HNF4G: variants seen among roughly 807,000 people sequenced by gnomAD.
HNF4G encodes hepatocyte nuclear factor 4-gamma.
In HNF4G, 21 loss-of-function variants were observed where a neutral mutation model predicts 50.9. That is an observed-to-expected ratio of 0.41 (90% CI 0.29 to 0.59). HNF4G has a LOEUF of 0.59. Among genes scored for constraint, HNF4G ranks in the 20% least tolerant of loss-of-function variants. HNF4G has a pLI of 0.26. For synonymous variants in HNF4G, 198 were observed against 185.6 expected (o/e 1.07, Z -0.54); for missense variants, 527 against 559.4 (o/e 0.94, Z 0.58).
chr8:75,449,306 A>G (rs923962486), intron 1 of HNF4G, among the ~76,000 whole-genome samples: 1 of 152,122 alleles, frequency 6.6e-6, no homozygotes, highest in African/African-American at 2.4e-5. Flanking sequence ...TTCTGCAATT[A>G]TAGAATTAAA....
At chr8:75,425,342 C>T (rs891420744) in intron 1 of HNF4G, among the ~76,000 whole-genome samples, 25 of 151,552 alleles carry the variant, frequency 1.6e-4, no homozygotes, top group African/African-American at 5.8e-4. Flanking sequence ...CCTTGGCTTC[C>T]CTAAGTGCTA....
intron 1 of HNF4G, among the ~76,000 whole-genome samples, chr8:75,420,418 C>T (rs899578777): frequency 6.6e-5 from 10 of 152,210 alleles, no homozygotes; most frequent in African/African-American, 1.4e-4. Flanking sequence ...CTCTTTCTTG[C>T]GGCCTATGAG....
At chr8:75,501,723 A>G (rs1414718637) in intron 2 of HNF4G, among the ~76,000 whole-genome samples, 3 of 152,216 alleles carry the variant, frequency 2.0e-5, no homozygotes. Context: ...ACAAATTAAA[A>G]TGGTATATAT....
chr8:75,504,081 G>A (rs1005617658), intron 2 of HNF4G, among the ~76,000 whole-genome samples: 6 of 151,972 alleles, frequency 3.9e-5, no homozygotes, highest in Admixed American at 2.0e-4. Context: ...AATTAGCCAG[G>A]TGTGGTGGCA....
chr8:75,494,408 A>C (rs1812713753), intron 2 of HNF4G, among the ~76,000 whole-genome samples: 1 of 151,880 alleles, frequency 6.6e-6, no homozygotes, highest in Non-Finnish European at 1.5e-5. Flanking sequence ...GTGAAAATTT[A>C]AGTCATTTTT....
In HNF4G at chr8:75,442,094, T is replaced by G. The variant is rs572059919; in HGVS notation, c.-144+33932T>G. On this transcript the variant is annotated intron_variant, in intron 1 of 10. Transcript: ENST00000354370. ...AGTAATATTTTATTTATATAAAGAT[T>G]CAAAAGAGAAACAACTAAATAGTTA... Among the ~76,000 whole-genome samples the G allele has an allele frequency of 9.9e-5, 15 of 152,256 alleles. No homozygotes were observed. In the South Asian group the frequency reaches 3.1e-3, roughly 32 times the overall value.
At chr8:75,508,655 T>C (rs564063790) in intron 2 of HNF4G, among the ~76,000 whole-genome samples, 1 of 152,242 alleles carries the variant, frequency 6.6e-6, no homozygotes, top group South Asian at 2.1e-4. Context: ...ACAATAACAA[T>C]TGATCTTTAC....
chr8:75,465,523 A>T (rs1811948849), intron 1 of HNF4G, among the ~76,000 whole-genome samples: 1 of 152,190 alleles, frequency 6.6e-6, no homozygotes, highest in African/African-American at 2.4e-5. Context: ...CCAATTATAT[A>T]ACCAGAAAGA....
chr8:75,524,649 G>A (rs1329331826), intron 2 of HNF4G, among the ~76,000 whole-genome samples: 1 of 152,054 alleles, frequency 6.6e-6, no homozygotes, highest in Non-Finnish European at 1.5e-5. Context: ...GTAAGTAAAC[G>A]TACTGAAAGG....
At chr8:75,505,711 G>T (rs1332456364) in intron 2 of HNF4G, among the ~76,000 whole-genome samples, 1 of 150,824 alleles carries the variant, frequency 6.6e-6, no homozygotes, top group Non-Finnish European at 1.5e-5. Flanking sequence ...TAATACAAGA[G>T]TTGCAAATAT....
At chr8:75,539,757 C>T, upstream of HNF4G, 1 of 443,058 alleles carries the variant, frequency 2.3e-6, no homozygotes, top group Non-Finnish European at 4.0e-6. Flanking sequence ...CAAGGAATTG[C>T]TTTCATATGC....
At position 75,497,674 on chromosome 8, in the gene HNF4G, A is replaced by G. The variant is rs1459672941; in HGVS notation, c.-24+7466A>G. 2.7e-5 allele frequency among the ~76,000 whole-genome samples: 4 copies of G among 146,012 alleles called. 1 individual carries two copies. The highest frequency in any genetic ancestry group is 8.0e-5 in the African/African-American group (3 of 37,636). ...ACTCCAGCCTGGGTGACAAAGCAAG[A>G]CTCCATTTCCACCCCCTCAAAAAAA... On this transcript the variant is annotated intron_variant, in intron 2 of 10. Coordinates refer to the HNF4G transcript ENST00000354370.
At chr8:75,540,654 T>G (rs962313161) in intron 1 of HNF4G, among the ~76,000 whole-genome samples, 2 of 152,114 alleles carry the variant, frequency 1.3e-5, no homozygotes, top group African/African-American at 4.8e-5. Flanking sequence ...CGCACAAAGC[T>G]GTTGGTATTT....
At chr8:75,552,291 A>G (rs1806982665) in intron 4 of HNF4G, among the ~76,000 whole-genome samples, 1 of 152,170 alleles carries the variant, frequency 6.6e-6, no homozygotes, top group South Asian at 2.1e-4. Context: ...TAAAGCTTTT[A>G]GAGAATGACC....
Position 75,560,340 on chromosome 8 carries a change from G to T in HNF4G, c.1124-4G>T, listed in dbSNP as rs199788981. ...CTAACACAGCATCTTTTTATCTTTT[G>T]TAGGGGCTTCCAATGATGGCAGTCA... On this transcript the variant is annotated splice_region_variant and splice_polypyrimidine_tract_variant and intron_variant, in intron 8 of 9. Coordinates refer to ENST00000396423, the MANE Select transcript of HNF4G (RefSeq NM_004133.5). 9 of 1,612,592 alleles carry T rather than the reference G, an allele frequency of 5.6e-6. No individual in the cohort carries two copies. Among genetic ancestry groups the T allele is most frequent in the Middle Eastern group, 1.7e-4 (1 of 6,042 alleles).
intron 2 of HNF4G, among the ~76,000 whole-genome samples, chr8:75,532,494 T>C (rs1806356071): frequency 6.6e-6 from 1 of 152,116 alleles, no homozygotes; most frequent in Non-Finnish European, 1.5e-5. Flanking sequence ...GGGCACCTTC[T>C]ATTCCAGTGC....
At position 75,498,015 on chromosome 8, in the gene HNF4G, CTT is replaced by C. The variant is rs915347191; in HGVS notation, c.-24+7808_-24+7809del. On this transcript the variant is annotated intron_variant, in intron 2 of 10. Transcript: ENST00000354370. ...GGCAAATGCTAGGACATTTGGGACACTTAGAATTTTTAAGTTCCACCATAGAA... is the reference window on the plus strand; with the variant it reads ...GGCAAATGCTAGGACATTTGGGACACAGAATTTTTAAGTTCCACCATAGAA... Among the ~76,000 whole-genome samples, 14 of 151,994 alleles carry C rather than the reference CTT, an allele frequency of 9.2e-5. 1 individual carries two copies. The highest frequency in any genetic ancestry group is 3.4e-4 in the African/African-American group (14 of 41,470).
chr8:75,419,169 G>GT (rs564268405), intron 1 of HNF4G, among the ~76,000 whole-genome samples: 53 of 152,300 alleles, frequency 3.5e-4, no homozygotes, highest in African/African-American at 1.2e-3. Context: ...ATGCATGTTT[G>GT]TGTCCCTGAG....
intron 1 of HNF4G, among the ~76,000 whole-genome samples, chr8:75,412,900 T>C (rs979800670): frequency 6.6e-6 from 1 of 152,116 alleles, no homozygotes; most frequent in Non-Finnish European, 1.5e-5. Context: ...GTGACACTAT[T>C]ATATTAGGAT....
Sources: gnomAD v4.1 joint callset for allele counts (sites outside exome capture counted in the v4.1 genomes callset) on GRCh38, gnomAD v4.1.1 for gene constraint, MANE v1.5 for transcripts, NCBI Gene and HGNC (gene_info 2026-07-23, HGNC 2026-07-21) for gene names.